IMMP2L: variants seen among roughly 807,000 people sequenced by gnomAD.
IMMP2L encodes mitochondrial inner membrane protease subunit 2.
A neutral mutation model predicts 19.3 loss-of-function variants in IMMP2L; 18 were observed. The ratio of observed to expected loss-of-function variants is 0.93; its 90% CI spans 0.64 to 1.38. IMMP2L has a LOEUF of 1.38. Ranked by LOEUF, IMMP2L falls within the 40% of genes most tolerant of loss-of-function variation. The pLI is 0.00. For synonymous variants in IMMP2L, 76 were observed against 73.0 expected (o/e 1.04, Z -0.21); for missense variants, 233 against 218.2 (o/e 1.07, Z -0.43).
intron 3 of IMMP2L, among the ~76,000 whole-genome samples, chr7:111,274,764 G>A (rs973139600): frequency 3.3e-5 from 5 of 152,164 alleles, no homozygotes; most frequent in African/African-American, 4.8e-5. Context: ...TCAAAGACCC[G>A]TATTTAAGCA....
chr7:111,281,216 A>AAGAGAAAGAAAGAAAGAAAGAAAG (rs1293249599), intron 3 of IMMP2L, among the ~76,000 whole-genome samples: 7 of 38,762 alleles, frequency 1.8e-4, no homozygotes, highest in African/African-American at 6.8e-4. Flanking sequence ...GAAAGAAAGA[A>AAGAGAAAGAAAGAAAGAAAGAAAG]AAAGAAAGAA....
At chr7:111,485,948 C>CG (rs1842622935) in intron 3 of IMMP2L, among the ~76,000 whole-genome samples, 1 of 152,112 alleles carries the variant, frequency 6.6e-6, no homozygotes, top group Non-Finnish European at 1.5e-5. Context: ...GGTGGGTATC[C>CG]TTTCCATCAC....
intron 5 of IMMP2L, among the ~76,000 whole-genome samples, chr7:110,862,786 G>A (rs1255297608): frequency 6.6e-6 from 1 of 151,950 alleles, no homozygotes; most frequent in Non-Finnish European, 1.5e-5. Flanking sequence ...AGACTTTCAA[G>A]GACATTTGTA....
chr7:110,717,879 G>C (rs543565148), intron 5 of IMMP2L, among the ~76,000 whole-genome samples: 11 of 152,318 alleles, frequency 7.2e-5, no homozygotes, highest in African/African-American at 2.6e-4. Context: ...ATTATTAATA[G>C]ATAAAACTAG....
chr7:110,854,551 A>G (rs1014975304), intron 5 of IMMP2L, among the ~76,000 whole-genome samples: 3 of 152,000 alleles, frequency 2.0e-5, no homozygotes, highest in Non-Finnish European at 2.9e-5. Flanking sequence ...ACATTACTGA[A>G]TAACTCCATA....
intron 3 of IMMP2L, among the ~76,000 whole-genome samples, chr7:111,212,072 A>G (rs2129618566): frequency 6.6e-6 from 1 of 152,192 alleles, no homozygotes; most frequent in East Asian, 1.9e-4. Context: ...AAACTAAGGT[A>G]ATCATTAAAT....
At chr7:110,770,587 G>T (rs1249207930) in intron 5 of IMMP2L, among the ~76,000 whole-genome samples, 3 of 152,128 alleles carry the variant, frequency 2.0e-5, no homozygotes, top group African/African-American at 7.2e-5. Flanking sequence ...CATGGCAGTT[G>T]ATGTTCCTGA....
intron 5 of IMMP2L, among the ~76,000 whole-genome samples, chr7:110,736,284 C>T (rs534331555): frequency 2.0e-5 from 3 of 152,222 alleles, no homozygotes; most frequent in Non-Finnish European, 4.4e-5. Context: ...TAACACCCAG[C>T]AGATCCATGG....
rs1182468310 is a variant in IMMP2L at position 111,032,631 on chromosome 7, C to T, written c.240-69066G>A. 2.0e-5 allele frequency among the ~76,000 whole-genome samples: 3 copies of T among 151,778 alleles called. No homozygotes were observed. The East Asian group carries it at 5.8e-4, about 29-fold the overall frequency. ...GAAGTCAGGACTTTGACATCAACCTCACCAGTATGGTGAAACCCCCTCCCT... is the reference window on the plus strand; with the variant it reads ...GAAGTCAGGACTTTGACATCAACCTTACCAGTATGGTGAAACCCCCTCCCT... On this transcript the variant is annotated intron_variant, in intron 3 of 5. Transcript: ENST00000405709.
chr7:111,370,009 AG>A (rs1386955871), intron 3 of IMMP2L, among the ~76,000 whole-genome samples: 1 of 152,036 alleles, frequency 6.6e-6, no homozygotes, highest in East Asian at 1.9e-4. Context: ...AATTCTGTTT[AG>A]GGACAGAGGA....
chr7:111,051,947 C>T (rs998134483), intron 3 of IMMP2L, among the ~76,000 whole-genome samples: 4 of 152,130 alleles, frequency 2.6e-5, no homozygotes, highest in Non-Finnish European at 5.9e-5. Context: ...TAGGCCTTGA[C>T]AGGAATGGAG....
chr7:111,422,652 G>T (rs894039823), intron 3 of IMMP2L, among the ~76,000 whole-genome samples: 2 of 151,890 alleles, frequency 1.3e-5, no homozygotes, highest in Admixed American at 6.5e-5. Context: ...ATACAATCAT[G>T]TCATCTGCAA....
rs369362309 is a variant in IMMP2L at position 111,266,239 on chromosome 7, C to CT, written c.239+220998dup. ...ATATAAAAATGACTGAAATCTAACA[C>CT]TGTCATTAAAAGAAACCAGGGAGCC... On this transcript the variant is annotated intron_variant, in intron 3 of 5. Transcript: ENST00000405709. 3.3e-5 allele frequency among the ~76,000 whole-genome samples: 5 copies of CT among 152,182 alleles called. No homozygotes were observed. The East Asian group carries it at 9.7e-4, about 29-fold the overall frequency.
At position 111,124,218 on chromosome 7, in the gene IMMP2L, T is replaced by C. The variant is rs774816173; in HGVS notation, c.240-160653A>G. On this transcript the variant is annotated intron_variant, in intron 3 of 5. Coordinates refer to ENST00000405709, the MANE Select transcript of IMMP2L (RefSeq NM_032549.4). ...ATGTCCATTCTGAGGGAACACTAGA[T>C]ATAAATGGCGTAACTCCCAAAGAAG... 5 of 1,614,020 alleles carry C rather than the reference T, an allele frequency of 3.1e-6. No homozygotes were observed. In the East Asian group the frequency reaches 8.9e-5, roughly 29 times the overall value.
intron 1 of IMMP2L, among the ~76,000 whole-genome samples, chr7:111,526,308 T>C (rs1049016304): frequency 1.3e-5 from 2 of 152,174 alleles, no homozygotes; most frequent in African/African-American, 4.8e-5. Flanking sequence ...TAAAATTGAA[T>C]ATTTATATTG....
At chr7:111,008,583 A>G (rs1459653067) in intron 3 of IMMP2L, among the ~76,000 whole-genome samples, 1 of 151,932 alleles carries the variant, frequency 6.6e-6, no homozygotes, top group East Asian at 1.9e-4. Flanking sequence ...ACACGTGCAC[A>G]CACACACACA....
intron 5 of IMMP2L, among the ~76,000 whole-genome samples, chr7:110,771,982 T>C (rs944269535): frequency 6.6e-6 from 1 of 152,186 alleles, no homozygotes; most frequent in African/African-American, 2.4e-5. Context: ...TTAGTCATGA[T>C]CTTTTGATAT....
intron 4 of IMMP2L, among the ~76,000 whole-genome samples, chr7:110,947,315 G>A (rs1585390229): frequency 6.6e-6 from 1 of 152,136 alleles, no homozygotes; most frequent in Middle Eastern, 3.4e-3. Context: ...TAAAAAATAG[G>A]CATTATTTTT....
At chr7:111,300,732 A>T (rs1163745070) in intron 3 of IMMP2L, among the ~76,000 whole-genome samples, 1 of 152,106 alleles carries the variant, frequency 6.6e-6, no homozygotes, top group Non-Finnish European at 1.5e-5. Context: ...GTTTTCTTTG[A>T]TGCAGAAAAA....
Sources: gnomAD v4.1 joint callset for allele counts (sites outside exome capture counted in the v4.1 genomes callset) on GRCh38, gnomAD v4.1.1 for gene constraint, MANE v1.5 for transcripts, NCBI Gene and HGNC (gene_info 2026-07-23, HGNC 2026-07-21) for gene names.